The following SAXO4 variants were observed in gnomAD, a reference collection of about 807,000 sequenced individuals.
SAXO4 encodes protein phosphatase 1 regulatory subunit 32.
chr11:61,489,450 G>A, the SAXO4 span: 1 of 558,392 alleles, frequency 1.8e-6, no homozygotes, highest in Non-Finnish European at 3.2e-6. Flanking sequence ...TGAAATGGAA[G>A]GAAATGGAAA....
At chr11:61,486,547 G>A in the SAXO4 span, 1 of 1,614,124 alleles carries the variant, frequency 6.2e-7, no homozygotes, top group South Asian at 1.1e-5. Flanking sequence ...TACCTGTGTT[G>A]GCCAGAGGCT....
chr11:61,484,623 G>A, the SAXO4 span: 1 of 1,590,160 alleles, frequency 6.3e-7, no homozygotes, highest in East Asian at 2.3e-5. Context: ...AAAGGTCAAG[G>A]GCAGAAGCAG....
At chr11:61,481,865 G>A in the SAXO4 span, 11 of 1,560,752 alleles carry the variant, frequency 7.0e-6, 1 homozygote, top group South Asian at 1.2e-4. Context: ...ATGAGTTCGG[G>A]GGGCTACACG....
At chr11:61,485,460 C>T in the SAXO4 span, 10 of 1,487,284 alleles carry the variant, frequency 6.7e-6, no homozygotes, top group Middle Eastern at 1.7e-4. Context: ...TCCCTACTTG[C>T]TACCCCAGGG....
chr11:61,488,398 G>A, the SAXO4 span, among the ~76,000 whole-genome samples: 1 of 148,080 alleles, frequency 6.8e-6, no homozygotes, highest in Non-Finnish European at 1.5e-5. Context: ...CCCGCCTCCC[G>A]GGTTCACGCC....
At chr11:61,487,182 G>A in the SAXO4 span, 2 of 1,613,954 alleles carry the variant, frequency 1.2e-6, no homozygotes, top group Non-Finnish European at 1.7e-6. Flanking sequence ...CCCCATGTAT[G>A]TCCGGAGCCC....
chr11:61,485,394 C>A, the SAXO4 span: 1 of 1,613,724 alleles, frequency 6.2e-7, no homozygotes, highest in Non-Finnish European at 8.5e-7. Context: ...ACCCTCTAGA[C>A]CAGCCAGGTA....
the SAXO4 span, chr11:61,490,423 G>A: frequency 7.4e-7 from 1 of 1,344,376 alleles, no homozygotes; most frequent in Admixed American, 1.7e-5. Flanking sequence ...CTCAGGGAGG[G>A]TCAGGCAGAA....
At chr11:61,490,654 CT>C in the SAXO4 span, 1 of 1,381,924 alleles carries the variant, frequency 7.2e-7, no homozygotes, top group South Asian at 1.2e-5. Context: ...CCAGCCCTGC[CT>C]CTCAAGCCCT....
chr11:61,481,804 A>G, the SAXO4 span: 25 of 1,502,312 alleles, frequency 1.7e-5, no homozygotes, highest in African/African-American at 3.7e-4. Context: ...CCTGCCCCAC[A>G]GCATCATGAT....
At chr11:61,483,039 A>C in the SAXO4 span, among the ~76,000 whole-genome samples, 1 of 128,302 alleles carries the variant, frequency 7.8e-6, no homozygotes. Context: ...TTCCATCCCC[A>C]TCCCTGTCCC....
the SAXO4 span, among the ~76,000 whole-genome samples, chr11:61,483,972 A>G: frequency 6.6e-6 from 1 of 151,982 alleles, no homozygotes; most frequent in East Asian, 1.9e-4. Flanking sequence ...GTGGTGGCTC[A>G]CACCTGTAAT....
the SAXO4 span, among the ~76,000 whole-genome samples, chr11:61,490,247 T>C: frequency 2.0e-5 from 3 of 152,118 alleles, no homozygotes; most frequent in African/African-American, 7.2e-5. Context: ...CAGAGGGGGA[T>C]GCGGGGACGG....
chr11:61,489,162 GTTCTGACCCCTTCTT>G, the SAXO4 span: 1 of 133,034 alleles, frequency 7.5e-6, no homozygotes, highest in Non-Finnish European at 1.6e-5. Context: ...GGGCAACGAT[GTTCTGACCCCTTCTT>G]AGGCAAACAC....
chr11:61,489,663 G>T, the SAXO4 span: 1 of 1,056,994 alleles, frequency 9.5e-7, no homozygotes. Context: ...AGCTAGACGA[G>T]GACAGCATGA....
chr11:61,482,875 A>G, the SAXO4 span: 3 of 1,473,578 alleles, frequency 2.0e-6, no homozygotes, highest in Non-Finnish European at 2.7e-6. Context: ...CTGCACTGCC[A>G]ACAGTTGGTC....
chr11:61,489,360 C>G, the SAXO4 span: 1 of 390,882 alleles, frequency 2.6e-6, no homozygotes, highest in Middle Eastern at 6.9e-4. Context: ...ATTGATCTGT[C>G]TGCACCCCCT....
At chr11:61,490,504 C>A in the SAXO4 span, 3 of 1,614,098 alleles carry the variant, frequency 1.9e-6, no homozygotes, top group Non-Finnish European at 8.5e-7. Flanking sequence ...CCTGCAGAAC[C>A]CTGACCTCAG....
chr11:61,490,502 A>G, the SAXO4 span: 3 of 1,613,880 alleles, frequency 1.9e-6, no homozygotes, highest in Non-Finnish European at 2.5e-6. Flanking sequence ...TCCCTGCAGA[A>G]CCCTGACCTC....
Sources: allele counts gnomAD v4.1 joint callset (sites outside exome capture counted in the v4.1 genomes callset), GRCh38; gene constraint gnomAD v4.1.1; transcripts MANE v1.5; gene names NCBI Gene and HGNC (gene_info 2026-07-23, HGNC 2026-07-21).